The following SLAMF7 variants were observed in gnomAD, a reference collection of about 807,000 sequenced individuals.
SLAMF7 encodes SLAM family member 7.
In SLAMF7, 26 loss-of-function variants were observed where a neutral mutation model predicts 34.1. The ratio of observed to expected loss-of-function variants is 0.76; its 90% CI spans 0.56 to 1.06. The LOEUF (loss-of-function observed/expected upper bound fraction) is 1.06, where lower values mean the gene tolerates loss of function less well. Among genes scored for constraint, SLAMF7 ranks in the 50% least tolerant of loss-of-function variants. The probability of loss-of-function intolerance (pLI) is 0.00; values close to 1 mark genes in which losing one functional copy is unlikely to be tolerated. For synonymous variants in SLAMF7, 171 were observed against 156.4 expected (o/e 1.09, Z -0.70); for missense variants, 399 against 402.5 (o/e 0.99, Z 0.07).
At chr1:160,739,238 G>T, upstream of SLAMF7, 1 of 1,400,440 alleles carries the variant, frequency 7.1e-7, no homozygotes, top group Non-Finnish European at 1.0e-6. Context: ...AGCTGGGGAA[G>T]AGGTCTGAGT....
intron 1 of SLAMF7, among the ~76,000 whole-genome samples, chr1:160,741,473 T>A (rs930740165): frequency 7.9e-5 from 12 of 152,190 alleles, no homozygotes; most frequent in Non-Finnish European, 1.8e-4. Context: ...TTGTGTGGCA[T>A]TGAATTACAC....
At position 160,754,187 on chromosome 1, in the gene SLAMF7, C is replaced by A. The variant is rs944448494; in HGVS notation, c.*1010C>A. The A allele has an allele frequency of 2.6e-5, 4 of 152,282 alleles. No individual in the cohort carries two copies. Among genetic ancestry groups the A allele is most frequent in the Admixed American group, 2.6e-4 (4 of 15,282 alleles). 9.4% of individuals were successfully genotyped at this position (152,282 alleles called of 1,614,324 possible). ...ACCTATGCGGCCCGGCATGGTGGCT[C>A]ACACCTGTAATCCCAGCACTTTGGG... On this transcript the variant is annotated 3_prime_UTR_variant, in exon 7 of 7. Transcript: ENST00000368043.
chr1:160,748,655 G>A, intron 2 of SLAMF7, 141 bp downstream of exon 2: 1 of 781,310 alleles, frequency 1.3e-6, no homozygotes, highest in Non-Finnish European at 2.0e-6. Context: ...TGAAATAGAT[G>A]TAGCTGACCC....
intron 1 of SLAMF7, among the ~76,000 whole-genome samples, chr1:160,744,625 T>C (rs1361397470): frequency 6.6e-6 from 1 of 152,208 alleles, no homozygotes; most frequent in African/African-American, 2.4e-5. Flanking sequence ...AAAAGAGTAG[T>C]TGCATGCTAG....
rs946626887 is a variant in SLAMF7, at chr1:160,754,543, G to A, written c.*1366G>A. On this transcript the variant is annotated 3_prime_UTR_variant, in exon 7 of 7. Transcript: ENST00000368043. Reference sequence around the variant, plus strand: ...AGAGCTCACCATCTCTTATACTTAAGTGAAAAACATGGGGAAGGGGAAAGG... The same window carrying A: ...AGAGCTCACCATCTCTTATACTTAAATGAAAAACATGGGGAAGGGGAAAGG... 5 of 152,338 alleles carry A rather than the reference G, an allele frequency of 3.3e-5. No individual in the cohort carries two copies. Among genetic ancestry groups the A allele is most frequent in the African/African-American group, 1.2e-4 (5 of 41,444 alleles). 9.4% of individuals were successfully genotyped at this position (152,338 alleles called of 1,614,324 possible). A position where few individuals can be genotyped will look rare whatever the true frequency, so the allele number is the denominator to read the frequency against.
In SLAMF7 at chr1:160,748,222, G is replaced by C; in HGVS notation, c.84G>C (p.Glu28Asp). The C allele has an allele frequency of 6.2e-7, 1 of 1,614,100 alleles. No homozygotes were observed. The highest frequency in any genetic ancestry group is 8.5e-7 in the Non-Finnish European group (1 of 1,179,956). Reference sequence around the variant, plus strand: ...CAGCAGCCTCTGGACCCGTGAAAGAGCTGGTCGGTTCCGTTGGTGGGGCCG... The same window carrying C: ...CAGCAGCCTCTGGACCCGTGAAAGACCTGGTCGGTTCCGTTGGTGGGGCCG... ...TGSAASGPVK[E>D]LVGSVGGAVT... is the part of the protein sequence containing the mutation. Residue 28 changes from glutamate (E) to aspartate (D), a missense_variant, in exon 2 of 7, where the codon GAG becomes GAC. Glu to Asp is a conservative substitution (Grantham distance 45). Coordinates refer to ENST00000368043, the MANE Select transcript of SLAMF7 (RefSeq NM_021181.5).
At position 160,748,382 on chromosome 1, in the gene SLAMF7, G is replaced by A; in HGVS notation, c.244G>A (p.Asp82Asn). Residue 82 changes from aspartate to asparagine, a missense_variant, in exon 2 of 7, where the codon GAC becomes AAC. By Grantham distance (23) the Asp-to-Asn change is conservative (BLOSUM62 1). Transcript: ENST00000368043. Reference sequence around the variant, plus strand: ...CCAAAATCGTAATAGGGAGAGAGTAGACTTCCCAGATGGAGGCTACTCCCT... The same window carrying A: ...CCAAAATCGTAATAGGGAGAGAGTAAACTTCCCAGATGGAGGCTACTCCCT... ...VTQNRNRERV[D>N]FPDGGYSLKL... The A allele has an allele frequency of 6.2e-7, 1 of 1,614,072 alleles. No individual in the cohort carries two copies. The highest frequency in any genetic ancestry group is 8.5e-7 in the Non-Finnish European group (1 of 1,179,984).
At chr1:160,751,507 G>C in intron 5 of SLAMF7, 59 bp downstream of exon 5, 2 of 1,415,698 alleles carry the variant, frequency 1.4e-6, no homozygotes, top group African/African-American at 1.4e-5. Context: ...CTCCTTGTGA[G>C]GTTTTTCCAT....
intron 1 of SLAMF7, among the ~76,000 whole-genome samples, chr1:160,743,645 G>A (rs1558053331): frequency 6.6e-6 from 1 of 152,194 alleles, no homozygotes; most frequent in Admixed American, 6.5e-5. Flanking sequence ...TGAGGAGAGT[G>A]GATGAATATC....
At position 160,751,575 on chromosome 1, in the gene SLAMF7, A is replaced by G. The variant is rs1408356433; in HGVS notation, c.873+127A>G. 27 of 704,450 alleles carry G rather than the reference A, an allele frequency of 3.8e-5. No individual in the cohort carries two copies. The East Asian group carries it at 5.4e-4, about 14-fold the overall frequency. The allele number at this position is 704,450 out of a possible 1,614,324, so 43.6% of individuals were successfully genotyped here. A position where few individuals can be genotyped will look rare whatever the true frequency, so the allele number is the denominator to read the frequency against. ...TGAGGATATATAGACTTAAAACTCA[A>G]TGCACCTGTGCCTCCTCCAAGTCTT... On this transcript the variant is annotated intron_variant, in intron 5 of 6. Coordinates refer to ENST00000368043, the MANE Select transcript of SLAMF7 (RefSeq NM_021181.5).
chr1:160,743,591 GGTTACAACCTTCACT>G (rs1432385746), intron 1 of SLAMF7, among the ~76,000 whole-genome samples: 1 of 152,232 alleles, frequency 6.6e-6, no homozygotes. Context: ...AAAAGAGGCA[GGTTACAACCTTCACT>G]GCACTGACTC....
intron 4 of SLAMF7, 79 bp downstream of exon 4, chr1:160,750,502 G>A: frequency 2.0e-6 from 3 of 1,528,674 alleles, no homozygotes; most frequent in Non-Finnish European, 1.8e-6. Context: ...ATATAGAGCT[G>A]TGTGCCAGAC....
chr1:160,752,592 A>G (rs1285785087), intron 6 of SLAMF7, among the ~76,000 whole-genome samples: 1 of 152,212 alleles, frequency 6.6e-6, no homozygotes, highest in Non-Finnish European at 1.5e-5. Flanking sequence ...AGCTGAGAGG[A>G]GAGTCCAGCT....
intron 2 of SLAMF7, 150 bp from the exon 3 acceptor site, chr1:160,749,671 C>T: frequency 1.7e-6 from 1 of 600,186 alleles, no homozygotes; most frequent in Non-Finnish European, 2.9e-6. Flanking sequence ...TTCTCTTTTC[C>T]AGATACGAAT....
rs866499745 is a variant in SLAMF7, at chr1:160,748,965, T to A, written c.376+451T>A. On this transcript the variant is annotated intron_variant, in intron 2 of 6. Coordinates refer to ENST00000368043, the MANE Select transcript of SLAMF7 (RefSeq NM_021181.5). ...GGAGGGGATTAAAATATCAGCATAT[T>A]TCTGGTAAATCTAGACAGGAGAAAT... 2.0e-5 allele frequency among the ~76,000 whole-genome samples: 3 copies of A among 152,344 alleles called. No homozygotes were observed. In the East Asian group the frequency reaches 5.8e-4, roughly 29 times the overall value.
In SLAMF7 at chr1:160,751,252, AC is replaced by A. The variant is rs1333663207; in HGVS notation, c.770-90del. 3.4e-6 allele frequency: 3 copies of A among 880,352 alleles called. No individual in the cohort carries two copies. The African/African-American group carries it at 5.0e-5, about 15-fold the overall frequency. The allele number at this position is 880,352 out of a possible 1,614,324, so 54.5% of individuals were successfully genotyped here. ...TACAAGGAAACTCGGCTGGTTGGTC[AC>A]CCTAAGTGGGTCATCCAGGAGAAAT... On this transcript the variant is annotated intron_variant, in intron 4 of 6. Coordinates refer to ENST00000368043, the MANE Select transcript of SLAMF7 (RefSeq NM_021181.5).
intron 4 of SLAMF7, chr1:160,751,140 A>G: frequency 1.8e-6 from 1 of 548,134 alleles, no homozygotes; most frequent in Non-Finnish European, 3.3e-6. Context: ...CAGGAAGTGA[A>G]ATGTTGGGGG....
intron 4 of SLAMF7, chr1:160,751,063 T>G (rs992905203): frequency 1.0e-5 from 4 of 392,396 alleles, no homozygotes; most frequent in Non-Finnish European, 1.9e-5. Context: ...CCTTCCCTCC[T>G]GGAAGCCCCT....
chr1:160,743,752 G>A (rs749769483), intron 1 of SLAMF7, among the ~76,000 whole-genome samples: 3 of 152,160 alleles, frequency 2.0e-5, no homozygotes, highest in Non-Finnish European at 2.9e-5. Flanking sequence ...GCAGTGGCAC[G>A]ATCACGGCTC....
Sources: gnomAD v4.1 joint callset for allele counts (sites outside exome capture counted in the v4.1 genomes callset) on GRCh38, gnomAD v4.1.1 for gene constraint, MANE v1.5 for transcripts, NCBI Gene and HGNC (gene_info 2026-07-23, HGNC 2026-07-21) for gene names.